Variants in AKAP19 observed in about 807,000 individuals in gnomAD.
The protein encoded by AKAP19 is small A-kinase anchoring protein.
At chr2:189,981,989 G>T in the AKAP19 span, among the ~76,000 whole-genome samples, 1 of 152,122 alleles carries the variant, frequency 6.6e-6, no homozygotes, top group South Asian at 2.1e-4. Context: ...CTTGGGGATG[G>T]TCATCTTGCA....
the AKAP19 span, among the ~76,000 whole-genome samples, chr2:190,145,983 T>G: frequency 1.1e-3 from 168 of 151,676 alleles, no homozygotes; most frequent in Middle Eastern, 3.4e-3. Context: ...ATTTTTCTTT[T>G]TTTTTTTACA....
At chr2:190,062,866 C>A in the AKAP19 span, 2 of 392,648 alleles carry the variant, frequency 5.1e-6, no homozygotes, top group Non-Finnish European at 9.2e-6. Flanking sequence ...AGTCACCAAG[C>A]AGTATTTTGT....
the AKAP19 span, among the ~76,000 whole-genome samples, chr2:190,012,466 ATTTTATATCCTACAAC>A: frequency 2.6e-5 from 4 of 151,944 alleles, no homozygotes; most frequent in Non-Finnish European, 5.9e-5. Flanking sequence ...TTATGTGTTG[ATTTTATATCCTACAAC>A]TTTATTTGTT....
At chr2:190,100,712 T>A in the AKAP19 span, among the ~76,000 whole-genome samples, 1 of 152,118 alleles carries the variant, frequency 6.6e-6, no homozygotes, top group Non-Finnish European at 1.5e-5. Context: ...GACAGCTGAT[T>A]AGAGGGTTTT....
the AKAP19 span, among the ~76,000 whole-genome samples, chr2:190,038,937 C>CT: frequency 7.1e-6 from 1 of 141,800 alleles, no homozygotes; most frequent in African/African-American, 2.8e-5. Flanking sequence ...TCTTCTTCTT[C>CT]TTCTTCTTCT....
chr2:190,079,886 TGTGTGAGAGAGAGA>T, the AKAP19 span: 2 of 98,540 alleles, frequency 2.0e-5, no homozygotes, highest in Non-Finnish European at 4.6e-5. Context: ...TGTGTGTGTG[TGTGTGAGAGAGAGA>T]GAGAGAGAGA....
At chr2:190,051,852 T>TTATTTATTTATTTATTTATG in the AKAP19 span, among the ~76,000 whole-genome samples, 1 of 150,740 alleles carries the variant, frequency 6.6e-6, no homozygotes, top group Admixed American at 6.6e-5. Flanking sequence ...ATTTATTTAT[T>TTATTTATTTATTTATTTATG]TTTGAGACAG....
At chr2:189,997,987 C>T in the AKAP19 span, among the ~76,000 whole-genome samples, 1 of 152,168 alleles carries the variant, frequency 6.6e-6, no homozygotes, top group Non-Finnish European at 1.5e-5. Context: ...AGCCTCTTCC[C>T]ACTGCTGCTT....
At chr2:190,118,589 G>A in the AKAP19 span, among the ~76,000 whole-genome samples, 1 of 152,110 alleles carries the variant, frequency 6.6e-6, no homozygotes, top group African/African-American at 2.4e-5. Context: ...ACGTAATCCA[G>A]CATATAAACA....
the AKAP19 span, among the ~76,000 whole-genome samples, chr2:190,133,331 A>G: frequency 1.3e-5 from 2 of 152,086 alleles, no homozygotes; most frequent in Admixed American, 1.3e-4. Flanking sequence ...GTATATGAAA[A>G]AAACATGCTC....
At chr2:189,935,739 A>G in the AKAP19 span, among the ~76,000 whole-genome samples, 1 of 152,124 alleles carries the variant, frequency 6.6e-6, no homozygotes, top group Admixed American at 6.5e-5. Flanking sequence ...CACATTTCAC[A>G]TACTTTTTCA....
the AKAP19 span, among the ~76,000 whole-genome samples, chr2:189,957,262 A>G: frequency 6.6e-6 from 1 of 152,220 alleles, no homozygotes; most frequent in Non-Finnish European, 1.5e-5. Flanking sequence ...TGTTTAAACA[A>G]AATCTATTTT....
At chr2:190,005,003 C>T in the AKAP19 span, among the ~76,000 whole-genome samples, 1 of 152,166 alleles carries the variant, frequency 6.6e-6, no homozygotes, top group Non-Finnish European at 1.5e-5. Context: ...CATTACAGCT[C>T]TTAAAGATGG....
chr2:190,053,962 T>TA, the AKAP19 span, among the ~76,000 whole-genome samples: 1 of 152,132 alleles, frequency 6.6e-6, no homozygotes, highest in Non-Finnish European at 1.5e-5. Flanking sequence ...AGGGATCACT[T>TA]AAAAAATTTT....
chr2:190,161,663 C>T, the AKAP19 span, among the ~76,000 whole-genome samples: 1 of 152,156 alleles, frequency 6.6e-6, no homozygotes, highest in Non-Finnish European at 1.5e-5. Context: ...CCCCCTGTTA[C>T]AGACGCTTAT....
chr2:189,938,894 G>T, the AKAP19 span, among the ~76,000 whole-genome samples: 1 of 152,026 alleles, frequency 6.6e-6, no homozygotes, highest in African/African-American at 2.4e-5. Flanking sequence ...TAATAGAATT[G>T]GACTTCCATA....
the AKAP19 span, among the ~76,000 whole-genome samples, chr2:190,022,126 G>T: frequency 2.0e-5 from 3 of 152,190 alleles, no homozygotes; most frequent in East Asian, 3.9e-4. Context: ...TGAAGGCAGG[G>T]TCATCATGAC....
chr2:189,969,724 A>C, the AKAP19 span, among the ~76,000 whole-genome samples: 5 of 130,602 alleles, frequency 3.8e-5, no homozygotes, highest in East Asian at 8.4e-4. Flanking sequence ...GCAAGACTCC[A>C]TCTCAAAAAA....
At chr2:189,959,624 C>A in the AKAP19 span, among the ~76,000 whole-genome samples, 1 of 152,308 alleles carries the variant, frequency 6.6e-6, no homozygotes, top group African/African-American at 2.4e-5. Flanking sequence ...TTTCTACACA[C>A]AAACATGTTG....
Sources: allele counts gnomAD v4.1 joint callset (sites outside exome capture counted in the v4.1 genomes callset), GRCh38; gene constraint gnomAD v4.1.1; transcripts MANE v1.5; gene names NCBI Gene and HGNC (gene_info 2026-07-23, HGNC 2026-07-21).